AFAP1: variants seen among roughly 807,000 people sequenced by gnomAD.
AFAP1 encodes actin filament associated protein 1, also known as actin filament-associated protein 1.
AFAP1 carries 75 observed loss-of-function variants against 93.9 expected under a neutral mutation model. That is an observed-to-expected ratio of 0.80 (90% confidence interval 0.66 to 0.97). The LOEUF (loss-of-function observed/expected upper bound fraction) is 0.97. AFAP1 is among the 50% of genes least tolerant of loss of function. AFAP1 has a pLI of 0.00. For missense variants in AFAP1, 1,201 were observed against 1,050.8 expected, an observed-to-expected ratio of 1.14 and a Z score of -1.98; for synonymous variants, 517 against 430.7, an observed-to-expected ratio of 1.20 and a Z score of -2.48.
intron 3 of AFAP1, among the ~76,000 whole-genome samples, chr4:7,861,316 G>A (rs574153922): frequency 4.6e-5 from 7 of 152,162 alleles, no homozygotes; most frequent in East Asian, 1.9e-4. Context: ...TTCCTGTGCC[G>A]CTTGCTGCTC....
At chr4:7,868,554 C>T in intron 3 of AFAP1, 68 bp downstream of exon 3, 1 of 1,407,998 alleles carries the variant, frequency 7.1e-7, no homozygotes, top group Non-Finnish European at 9.8e-7. Flanking sequence ...CCATCACAGG[C>T]CCCTGGAGCC....
intron 3 of AFAP1, among the ~76,000 whole-genome samples, chr4:7,862,640 C>T (rs1439688781): frequency 6.6e-6 from 1 of 152,180 alleles, no homozygotes; most frequent in African/African-American, 2.4e-5. Flanking sequence ...TGGCTATAAT[C>T]TGCTGGCATA....
At chr4:7,925,373 T>C (rs960888410) in intron 1 of AFAP1, among the ~76,000 whole-genome samples, 1 of 152,172 alleles carries the variant, frequency 6.6e-6, no homozygotes, top group Non-Finnish European at 1.5e-5. Context: ...GGCCTTGAAG[T>C]CAAACTTCTG....
At chr4:7,820,337 A>T (rs1351313412) in intron 6 of AFAP1, among the ~76,000 whole-genome samples, 1 of 152,198 alleles carries the variant, frequency 6.6e-6, no homozygotes, top group Non-Finnish European at 1.5e-5. Flanking sequence ...GCAAACTTCT[A>T]GTCAGTGCTA....
intron 5 of AFAP1, 158 bp downstream of exon 5, chr4:7,842,981 G>A: frequency 2.7e-6 from 2 of 754,642 alleles, no homozygotes; most frequent in Non-Finnish European, 4.2e-6. Flanking sequence ...GGCATGTGGG[G>A]GCCCCTGGCA....
chr4:7,809,507 G>A (rs1429235271), intron 9 of AFAP1, 107 bp downstream of exon 9: 2 of 1,320,216 alleles, frequency 1.5e-6, no homozygotes, highest in Non-Finnish European at 1.0e-6. Context: ...CAATGCAAAA[G>A]AGCTCAAATT....
chr4:7,874,596 G>C (rs34383852), intron 1 of AFAP1, among the ~76,000 whole-genome samples: 13 of 137,600 alleles, frequency 9.4e-5, no homozygotes, highest in Non-Finnish European at 1.4e-4. Flanking sequence ...TGTTAGCCGG[G>C]ATGGTCTCGA....
chr4:7,905,981 G>A (rs554207773), intron 1 of AFAP1, among the ~76,000 whole-genome samples: 1 of 152,334 alleles, frequency 6.6e-6, no homozygotes, highest in South Asian at 2.1e-4. Flanking sequence ...ACAAGGGCCA[G>A]CCTGGGGGCC....
rs117671902 is a variant in AFAP1 at position 7,869,330 on chromosome 4, G to A, written c.128-611C>T. 1.0e-3 allele frequency among the ~76,000 whole-genome samples: 155 copies of A among 152,352 alleles called. No homozygotes were observed. In the East Asian group the frequency reaches 0.018, roughly 18 times the overall value. On this transcript the variant is annotated intron_variant, in intron 2 of 17. Coordinates refer to ENST00000420658, the MANE Select transcript of AFAP1 (RefSeq NM_001134647.2). ...CAGAGCCTGCATGCTCCTCAGTGCC[G>A]TGCTGCACCTCAAAGGGAAAGCTGC... is the stretch of plus-strand genomic sequence containing the variant.
At chr4:7,855,620 G>A (rs767861383) in intron 3 of AFAP1, 46 bp from the exon 4 acceptor site, 2 of 1,455,530 alleles carry the variant, frequency 1.4e-6, no homozygotes, top group South Asian at 2.3e-5. Context: ...ATGACCATTA[G>A]AAGGAAATTC....
At position 7,763,492 on chromosome 4, in the gene AFAP1, C is replaced by CTGAT. The variant is rs1418586705; in HGVS notation, c.*269_*272dup. The CTGAT allele has an allele frequency of 4.1e-6, 2 of 493,640 alleles. No individual in the cohort carries two copies. The highest frequency in any genetic ancestry group is 3.0e-5 in the South Asian group (1 of 33,632). 30.6% of individuals were successfully genotyped at this position (493,640 alleles called of 1,614,324 possible). ...TCTGGTTAGAAAGATGTCACTTCGC[C>CTGAT]TGATAGCATCCTTTCAAACACCTTT... is the stretch of plus-strand genomic sequence containing the variant. On this transcript the variant is annotated 3_prime_UTR_variant, in exon 18 of 18. Transcript: ENST00000420658.
At chr4:7,934,584 A>G (rs1721273806) in intron 1 of AFAP1, among the ~76,000 whole-genome samples, 1 of 152,204 alleles carries the variant, frequency 6.6e-6, no homozygotes, top group Non-Finnish European at 1.5e-5. Context: ...ACTCAGGAGA[A>G]GTTGGTGACG....
chr4:7,859,496 C>T (rs1715435203), intron 3 of AFAP1, among the ~76,000 whole-genome samples: 1 of 152,108 alleles, frequency 6.6e-6, no homozygotes, highest in Non-Finnish European at 1.5e-5. Flanking sequence ...TGAGAAACTA[C>T]CCTCCTCAGA....
At chr4:7,874,679 A>G (rs148682180) in intron 1 of AFAP1, among the ~76,000 whole-genome samples, 22 of 150,728 alleles carry the variant, frequency 1.5e-4, no homozygotes, top group African/African-American at 5.1e-4. Context: ...CACCACACCC[A>G]GCCTAGATTT....
chr4:7,839,538 T>G (rs779206462), intron 5 of AFAP1, among the ~76,000 whole-genome samples: 19 of 152,186 alleles, frequency 1.2e-4, no homozygotes, highest in Non-Finnish European at 2.5e-4. Flanking sequence ...TAACCTATAT[T>G]GCTTGTTATC....
chr4:7,847,444 G>A (rs980514784), intron 4 of AFAP1, among the ~76,000 whole-genome samples: 2 of 152,114 alleles, frequency 1.3e-5, no homozygotes, highest in South Asian at 2.1e-4. Flanking sequence ...GCTTAGCAAT[G>A]ACCCAATCAA....
At chr4:7,937,710 C>T (rs1721472526) in intron 1 of AFAP1, among the ~76,000 whole-genome samples, 1 of 152,126 alleles carries the variant, frequency 6.6e-6, no homozygotes, top group Non-Finnish European at 1.5e-5. Flanking sequence ...TGGTCTCGAA[C>T]TCCTGACCTC....
chr4:7,863,437 G>T (rs1353823122), intron 3 of AFAP1, among the ~76,000 whole-genome samples: 1 of 151,736 alleles, frequency 6.6e-6, no homozygotes, highest in Admixed American at 6.6e-5. Flanking sequence ...AAGAACGAAA[G>T]AAAGAAAGAA....
intron 3 of AFAP1, among the ~76,000 whole-genome samples, chr4:7,864,045 CCA>C (rs1716082126): frequency 6.7e-4 from 1 of 1,496 alleles, no homozygotes; most frequent in African/African-American, 2.4e-3. Context: ...CCATCACAAC[CCA>C]TTCCCAACTT....
Sources: gnomAD v4.1 joint callset for allele counts (sites outside exome capture counted in the v4.1 genomes callset) on GRCh38, gnomAD v4.1.1 for gene constraint, MANE v1.5 for transcripts, NCBI Gene and HGNC (gene_info 2026-07-23, HGNC 2026-07-21) for gene names.